TLN2: variants seen among roughly 807,000 people sequenced by gnomAD.
The protein encoded by TLN2 is talin-2.
A neutral mutation model predicts 294.7 loss-of-function variants in TLN2; 118 were observed. That is an observed-to-expected ratio of 0.40 (90% CI 0.34 to 0.47). The LOEUF is 0.47. Ranked by LOEUF, TLN2 falls within the 20% of genes least tolerant of loss-of-function variation. The probability of loss-of-function intolerance (pLI) is 0.84; values close to 1 mark genes in which losing one functional copy is unlikely to be tolerated. For synonymous variants in TLN2, 1,431 were observed against 1,304.5 expected, an observed-to-expected ratio of 1.10 and a Z score of -2.09; for missense variants, 3,083 against 3,282.2, an observed-to-expected ratio of 0.94 and a Z score of 1.48.
rs556036307 is a variant in TLN2, at chr15:62,666,617, T to C, written c.789-7210T>C. ...CATTACCCAGTCTGTGGTATTCTTT[T>C]GCAGCAACACAAACTGACTAACAAG... On this transcript the variant is annotated intron_variant, in intron 9 of 58. Coordinates refer to ENST00000636159, the MANE Select transcript of TLN2 (RefSeq NM_015059.3). Among the ~76,000 whole-genome samples the C allele has an allele frequency of 1.5e-3, 222 of 152,254 alleles. 1 individual carries two copies. The highest frequency in any genetic ancestry group is 2.2e-3 in the Non-Finnish European group (148 of 68,040).
chr15:62,838,743 T>C, intron 57 of TLN2, 113 bp from the exon 58 acceptor site: 1 of 1,398,426 alleles, frequency 7.2e-7, no homozygotes. Flanking sequence ...CTTGATGTTA[T>C]AATTGGATAA....
chr15:62,822,796 G>C (rs961127265), intron 54 of TLN2, among the ~76,000 whole-genome samples: 2 of 152,196 alleles, frequency 1.3e-5, no homozygotes, highest in African/African-American at 4.8e-5. Context: ...ATAACAGAAA[G>C]GATGCAGAAT....
chr15:62,833,353 CTTG>C (rs1172481805), intron 54 of TLN2, 148 bp from the exon 55 acceptor site: 1 of 1,226,040 alleles, frequency 8.2e-7, no homozygotes, highest in East Asian at 2.4e-5. Context: ...TCATCTGCTT[CTTG>C]TTAAGGAACC....
At chr15:62,694,177 G>A (rs1252760510) in intron 13 of TLN2, 139 bp from the exon 14 acceptor site, 5 of 622,704 alleles carry the variant, frequency 8.0e-6, no homozygotes, top group Non-Finnish European at 1.4e-5. Context: ...GGGTCTCACT[G>A]TGTTGACCAG....
chr15:62,636,354 A>C (rs1259993225), intron 3 of TLN2, among the ~76,000 whole-genome samples: 1 of 152,152 alleles, frequency 6.6e-6, no homozygotes, highest in Admixed American at 6.5e-5. Flanking sequence ...GTAGAAAATG[A>C]GGAGCCTTTG....
intron 44 of TLN2, among the ~76,000 whole-genome samples, chr15:62,781,982 G>A (rs2064216450): frequency 6.6e-6 from 1 of 152,220 alleles, no homozygotes; most frequent in Non-Finnish European, 1.5e-5. Context: ...GAATTGATAG[G>A]AGTCCATAGA....
intron 28 of TLN2, among the ~76,000 whole-genome samples, chr15:62,729,548 A>G (rs778331130): frequency 2.3e-4 from 35 of 152,214 alleles, no homozygotes; most frequent in Non-Finnish European, 3.8e-4. Context: ...TTTTCTGCAT[A>G]GAAGTCTCTG....
At chr15:62,565,342 T>A (rs1241699380) in intron 1 of TLN2, among the ~76,000 whole-genome samples, 1 of 152,212 alleles carries the variant, frequency 6.6e-6, no homozygotes, top group Non-Finnish European at 1.5e-5. Context: ...CATTAAAGTA[T>A]ATACATAATA....
intron 1 of TLN2, among the ~76,000 whole-genome samples, chr15:62,552,379 C>T (rs4775514): frequency 0.23 from 34,653 of 152,090 alleles, 4,320 homozygotes; most frequent in East Asian, 0.53. Flanking sequence ...CCTACAAATT[C>T]ATGTTTCAGG....
At chr15:62,772,412 A>C (rs2141052708) in intron 42 of TLN2, among the ~76,000 whole-genome samples, 1 of 152,202 alleles carries the variant, frequency 6.6e-6, no homozygotes, top group South Asian at 2.1e-4. Context: ...GAAGTGGTGG[A>C]ATGGAGTGAG....
intron 1 of TLN2, among the ~76,000 whole-genome samples, chr15:62,558,353 G>A (rs934993147): frequency 3.9e-5 from 6 of 152,136 alleles, no homozygotes; most frequent in Admixed American, 3.3e-4. Flanking sequence ...TAAATGGTGA[G>A]CTTCTTAAGG....
At chr15:62,651,891 G>GA in intron 5 of TLN2, 114 bp from the exon 6 acceptor site, 1 of 1,223,580 alleles carries the variant, frequency 8.2e-7, no homozygotes, top group Non-Finnish European at 1.1e-6. Context: ...AGAAGAAAGG[G>GA]AAAATCAGAG....
chr15:62,624,868 C>A (rs1165633069), intron 3 of TLN2, among the ~76,000 whole-genome samples: 3 of 152,192 alleles, frequency 2.0e-5, no homozygotes, highest in Non-Finnish European at 4.4e-5. Context: ...AAGAAAAAAA[C>A]AATGCAGCTA....
At chr15:62,480,109 G>A (rs943528796) in intron 1 of TLN2, among the ~76,000 whole-genome samples, 1 of 152,174 alleles carries the variant, frequency 6.6e-6, no homozygotes, top group African/African-American at 2.4e-5. Context: ...GGGGTCTTCA[G>A]TTATTTGAGT....
intron 57 of TLN2, among the ~76,000 whole-genome samples, chr15:62,837,410 A>AAACTT (rs1387471655): frequency 1.3e-5 from 2 of 152,162 alleles, no homozygotes; most frequent in African/African-American, 4.8e-5. Flanking sequence ...AAATCACTCA[A>AAACTT]AACTTTTCAG....
intron 1 of TLN2, among the ~76,000 whole-genome samples, chr15:62,432,422 C>T (rs1409984282): frequency 6.6e-6 from 1 of 152,128 alleles, no homozygotes; most frequent in Non-Finnish European, 1.5e-5. Context: ...AGAGCAAATC[C>T]ACTCCTGCAA....
chr15:62,495,116 A>G (rs1216804109), intron 1 of TLN2, among the ~76,000 whole-genome samples: 4 of 152,182 alleles, frequency 2.6e-5, no homozygotes, highest in Non-Finnish European at 4.4e-5. Flanking sequence ...GCACTGTGCA[A>G]TGCCTTCTCA....
At chr15:62,700,759 T>C (rs989694232) in intron 16 of TLN2, among the ~76,000 whole-genome samples, 1 of 152,250 alleles carries the variant, frequency 6.6e-6, no homozygotes, top group Non-Finnish European at 1.5e-5. Flanking sequence ...TTAGTGCTAA[T>C]GTGCAGTATT....
intron 29 of TLN2, among the ~76,000 whole-genome samples, chr15:62,737,877 A>T (rs1354971239): frequency 2.0e-5 from 3 of 152,190 alleles, no homozygotes; most frequent in Admixed American, 6.5e-5. Context: ...CTCTTGGTAT[A>T]AGAAATCTTT....
Sources: allele counts gnomAD v4.1 joint callset (sites outside exome capture counted in the v4.1 genomes callset), GRCh38; gene constraint gnomAD v4.1.1; transcripts MANE v1.5; gene names NCBI Gene and HGNC (gene_info 2026-07-23, HGNC 2026-07-21).